The following PTPRD variants were observed in gnomAD, a reference collection of about 807,000 sequenced individuals.
PTPRD encodes receptor-type tyrosine-protein phosphatase delta.
PTPRD carries 34 observed loss-of-function variants against 214.5 expected under a neutral mutation model. The observed-to-expected ratio is 0.16, with a 90% CI of 0.12 to 0.21. The LOEUF is 0.21. Among genes scored for constraint, PTPRD ranks in the 10% least tolerant of loss-of-function variants. PTPRD has a pLI of 1.00. For synonymous variants in PTPRD, 1,128 were observed against 845.7 expected (o/e 1.33, Z -5.79); for missense variants, 2,545 against 2,398.7 (o/e 1.06, Z -1.27).
intron 10 of PTPRD, among the ~76,000 whole-genome samples, chr9:9,112,094 A>G (rs923173978): frequency 1.3e-5 from 2 of 152,094 alleles, no homozygotes; most frequent in African/African-American, 2.4e-5. Context: ...TAAAACACAT[A>G]TTCATTCTCT....
At chr9:8,684,639 C>CTA (rs557260031) in intron 12 of PTPRD, among the ~76,000 whole-genome samples, 100 of 152,126 alleles carry the variant, frequency 6.6e-4, no homozygotes, top group Non-Finnish European at 1.3e-3. Context: ...ATAGTAATTT[C>CTA]TATATATGTT....
intron 11 of PTPRD, among the ~76,000 whole-genome samples, chr9:8,773,062 T>C (rs1239978078): frequency 6.6e-6 from 1 of 152,186 alleles, no homozygotes; most frequent in African/African-American, 2.4e-5. Flanking sequence ...CTCTACTGAA[T>C]GGCCTATGAA....
chr9:10,426,848 T>A (rs1202609863), intron 2 of PTPRD, among the ~76,000 whole-genome samples: 1 of 152,096 alleles, frequency 6.6e-6, no homozygotes, highest in Non-Finnish European at 1.5e-5. Context: ...TGCTCTTGTG[T>A]CCACAGGTTG....
chr9:10,089,749 T>G (rs2098406365), intron 3 of PTPRD, among the ~76,000 whole-genome samples: 1 of 151,646 alleles, frequency 6.6e-6, no homozygotes, highest in Non-Finnish European at 1.5e-5. Flanking sequence ...ATTCAGATTG[T>G]ACTCTGGCCA....
At chr9:8,808,462 CTTTTTTTTTTTTT>C (rs34627797) in intron 11 of PTPRD, among the ~76,000 whole-genome samples, 1 of 98,816 alleles carries the variant, frequency 1.0e-5, no homozygotes, top group Non-Finnish European at 1.9e-5. Flanking sequence ...AGCCCCCCAC[CTTTTTTTTTTTTT>C]TTTTTTTTTT....
chr9:9,770,671 G>C (rs1025957017), intron 5 of PTPRD, among the ~76,000 whole-genome samples: 13 of 151,998 alleles, frequency 8.6e-5, no homozygotes, highest in African/African-American at 2.9e-4. Context: ...TTGATTTAGT[G>C]ATGCTGACAA....
intron 11 of PTPRD, among the ~76,000 whole-genome samples, chr9:8,977,106 C>G (rs1054993195): frequency 6.6e-6 from 1 of 152,100 alleles, no homozygotes. Flanking sequence ...GTTACCAAGT[C>G]CTGTCGATTC....
chr9:8,537,474 A>C (rs1331438615), intron 14 of PTPRD, among the ~76,000 whole-genome samples: 3 of 152,044 alleles, frequency 2.0e-5, no homozygotes. Context: ...AAGTTATTAC[A>C]TACAGATAGT....
At chr9:10,377,457 C>A (rs1049433109) in intron 2 of PTPRD, among the ~76,000 whole-genome samples, 4 of 151,364 alleles carry the variant, frequency 2.6e-5, no homozygotes, top group African/African-American at 4.9e-5. Context: ...CACCCCACAA[C>A]AGGCCCCGGT....
intron 7 of PTPRD, among the ~76,000 whole-genome samples, chr9:9,630,037 C>G: frequency 6.6e-6 from 1 of 152,120 alleles, no homozygotes; most frequent in Non-Finnish European, 1.5e-5. Context: ...ATCCCTGGAT[C>G]TGAGAGTTAC....
chr9:9,835,170 A>G (rs2056378218), intron 5 of PTPRD, among the ~76,000 whole-genome samples: 1 of 152,154 alleles, frequency 6.6e-6, no homozygotes, highest in Non-Finnish European at 1.5e-5. Context: ...AGTACAAAAT[A>G]CAAGTATCTG....
chr9:10,165,569 T>A (rs781753291), intron 3 of PTPRD, among the ~76,000 whole-genome samples: 1 of 151,812 alleles, frequency 6.6e-6, no homozygotes, highest in African/African-American at 2.4e-5. Context: ...AATGTTTTGT[T>A]TAGTTGCCAA....
chr9:8,365,456 A>G (rs951969815), intron 39 of PTPRD, among the ~76,000 whole-genome samples: 2 of 152,158 alleles, frequency 1.3e-5, no homozygotes, highest in Non-Finnish European at 2.9e-5. Flanking sequence ...CCTATTTCAC[A>G]TACTATTCAT....
intron 3 of PTPRD, among the ~76,000 whole-genome samples, chr9:10,103,195 C>G (rs1232495761): frequency 6.6e-6 from 1 of 151,292 alleles, no homozygotes; most frequent in East Asian, 2.0e-4. Flanking sequence ...TTACACAGCA[C>G]TAATATCTGC....
chr9:8,759,563 T>A (rs1309448144), intron 11 of PTPRD, among the ~76,000 whole-genome samples: 1 of 152,154 alleles, frequency 6.6e-6, no homozygotes, highest in Non-Finnish European at 1.5e-5. Context: ...TACTCTGTTC[T>A]AGCTCCCAGT....
rs188350212 is a variant in PTPRD, at chr9:8,549,510, T to G, written c.353-20731A>C. The stretch of plus-strand genomic sequence containing the variant: ...GTTTTGCAATGTTCCAAGTATGTTT[T>G]CCACACAGTAACATTTTTGCATATT... On this transcript the variant is annotated intron_variant, in intron 14 of 45. Coordinates refer to ENST00000381196, the MANE Select transcript of PTPRD (RefSeq NM_002839.4). 1.4e-3 allele frequency among the ~76,000 whole-genome samples: 217 copies of G among 152,316 alleles called. 3 individuals carry two copies. The highest frequency in any genetic ancestry group is 8.8e-5 in the Non-Finnish European group (6 of 68,024).
intron 9 of PTPRD, among the ~76,000 whole-genome samples, chr9:9,208,562 T>C (rs968416642): frequency 6.6e-6 from 1 of 152,080 alleles, no homozygotes; most frequent in Non-Finnish European, 1.5e-5. Flanking sequence ...TCAAACTAAA[T>C]TTAATAATCT....
chr9:8,340,799 TCACA>T (rs1432350920), intron 41 of PTPRD, among the ~76,000 whole-genome samples: 2 of 152,282 alleles, frequency 1.3e-5, no homozygotes, highest in East Asian at 3.9e-4. Flanking sequence ...GAAATTATTC[TCACA>T]CAATCTATTA....
intron 8 of PTPRD, among the ~76,000 whole-genome samples, chr9:9,499,832 A>G (rs1045520548): frequency 2.6e-5 from 4 of 152,096 alleles, no homozygotes; most frequent in African/African-American, 9.7e-5. Context: ...TGTCTCATAA[A>G]TAAAAGATAA....
Sources: gnomAD v4.1 joint callset for allele counts (sites outside exome capture counted in the v4.1 genomes callset) on GRCh38, gnomAD v4.1.1 for gene constraint, MANE v1.5 for transcripts, NCBI Gene and HGNC (gene_info 2026-07-23, HGNC 2026-07-21) for gene names.